Variants in RYR2 observed in about 807,000 individuals in gnomAD.
RYR2 encodes cardiac muscle ryanodine receptor-calcium release channel.
In RYR2, 227 loss-of-function variants were observed where a neutral mutation model predicts 601.1. The observed-to-expected ratio is 0.38, with a 90% CI of 0.34 to 0.42. RYR2 has a LOEUF of 0.42. RYR2 is among the 10% of genes least tolerant of loss of function. The pLI, the probability that RYR2 is intolerant of heterozygous loss-of-function variation, is 1.00. For synonymous variants in RYR2, 2,223 were observed against 2,175.1 expected (o/e 1.02, Z -0.61); for missense variants, 4,646 against 6,156.5 (o/e 0.75, Z 8.21).
intron 1 of RYR2, among the ~76,000 whole-genome samples, chr1:237,083,722 A>G (rs1665999605): frequency 6.6e-6 from 1 of 152,176 alleles, no homozygotes; most frequent in South Asian, 2.1e-4. Flanking sequence ...AATGCTAGAC[A>G]CAGCAGTGGT....
chr1:237,538,071 G>A (rs1668833590), intron 25 of RYR2, among the ~76,000 whole-genome samples: 1 of 151,996 alleles, frequency 6.6e-6, no homozygotes, highest in Non-Finnish European at 1.5e-5. Flanking sequence ...TGGAAAAGAG[G>A]AGATAGGAGG....
chr1:237,783,631 T>TTTTG (rs1176394524), intron 89 of RYR2, 44 bp from the exon 90 acceptor site: 7 of 1,233,282 alleles, frequency 5.7e-6, no homozygotes, highest in East Asian at 2.5e-5. Flanking sequence ...TGATCACTGA[T>TTTTG]TTTGTTAGTT....
At chr1:237,183,133 T>C (rs926373159) in intron 1 of RYR2, among the ~76,000 whole-genome samples, 1 of 152,096 alleles carries the variant, frequency 6.6e-6, no homozygotes, top group African/African-American at 2.4e-5. Context: ...GGCTTGCAGA[T>C]TGGAATAAAG....
intron 29 of RYR2, among the ~76,000 whole-genome samples, chr1:237,578,477 C>T (rs887622158): frequency 6.6e-6 from 1 of 152,162 alleles, no homozygotes; most frequent in Admixed American, 6.5e-5. Context: ...CCTACATAGT[C>T]CTTTGGTGCT....
chr1:237,427,867 A>G (rs1357403255), intron 12 of RYR2, among the ~76,000 whole-genome samples: 1 of 151,166 alleles, frequency 6.6e-6, no homozygotes, highest in Non-Finnish European at 1.5e-5. Flanking sequence ...AAAGCATTGC[A>G]GGAGACAAAA....
chr1:237,516,969 C>A (rs1227693588), intron 24 of RYR2, among the ~76,000 whole-genome samples: 2 of 152,184 alleles, frequency 1.3e-5, no homozygotes, highest in Non-Finnish European at 2.9e-5. Context: ...TTCATACACA[C>A]ACGTGCATTC....
chr1:237,779,520 A>G (rs1433866760), intron 88 of RYR2, among the ~76,000 whole-genome samples: 4 of 152,224 alleles, frequency 2.6e-5, no homozygotes, highest in Non-Finnish European at 4.4e-5. Context: ...GAATGCTGTC[A>G]TTCTAATTCC....
rs369619311 is a variant in RYR2 at position 237,202,698 on chromosome 1, G to A, written c.49-67799G>A. 1.7e-4 allele frequency among the ~76,000 whole-genome samples: 26 copies of A among 152,238 alleles called. No individual in the cohort carries two copies. The East Asian group carries it at 3.3e-3, about 19-fold the overall frequency. ...GCTGGGATTACAGGTGTGAGCCACC[G>A]GGTCCGTCCTTTAACAACACCTTTT... On this transcript the variant is annotated intron_variant, in intron 1 of 104. Transcript: ENST00000366574.
chr1:237,646,233 C>T (rs1682140686), intron 48 of RYR2, among the ~76,000 whole-genome samples: 1 of 151,350 alleles, frequency 6.6e-6, no homozygotes, highest in African/African-American at 2.4e-5. Flanking sequence ...CCCAGCTACT[C>T]AGGAGTCTGA....
chr1:237,244,776 G>A (rs963604799), intron 1 of RYR2, among the ~76,000 whole-genome samples: 8 of 149,888 alleles, frequency 5.3e-5, no homozygotes, highest in Non-Finnish European at 1.0e-4. Context: ...TTTTCTTGGC[G>A]CGAGACAATG....
chr1:237,748,023 A>T (rs943949472), intron 80 of RYR2, among the ~76,000 whole-genome samples: 1 of 152,166 alleles, frequency 6.6e-6, no homozygotes, highest in African/African-American at 2.4e-5. Context: ...ATACAATAAA[A>T]TTATGCATCT....
At chr1:237,603,536 C>G (rs962524570) in intron 35 of RYR2, among the ~76,000 whole-genome samples, 16 of 152,204 alleles carry the variant, frequency 1.1e-4, no homozygotes, top group African/African-American at 3.6e-4. Flanking sequence ...GCAAAATAAC[C>G]AGCTGACATC....
chr1:237,161,939 T>G (rs1424937998), intron 1 of RYR2, among the ~76,000 whole-genome samples: 1 of 152,236 alleles, frequency 6.6e-6, no homozygotes, highest in Non-Finnish European at 1.5e-5. Flanking sequence ...ATTTGTGTAG[T>G]GAACATTTGT....
chr1:237,119,267 A>T (rs1670492763), intron 1 of RYR2, among the ~76,000 whole-genome samples: 3 of 152,340 alleles, frequency 2.0e-5, no homozygotes, highest in African/African-American at 4.8e-5. Flanking sequence ...AAGGGCTTCC[A>T]GAAGAAACCA....
At chr1:237,725,466 A>T (rs1690115698) in intron 74 of RYR2, among the ~76,000 whole-genome samples, 1 of 152,114 alleles carries the variant, frequency 6.6e-6, no homozygotes, top group Non-Finnish European at 1.5e-5. Flanking sequence ...TTGTTGATTT[A>T]ATTTATCTCA....
chr1:237,398,607 G>A (rs771160994), intron 10 of RYR2, among the ~76,000 whole-genome samples: 1 of 152,166 alleles, frequency 6.6e-6, no homozygotes, highest in Non-Finnish European at 1.5e-5. Context: ...TGACAGCCAC[G>A]TGCTGGTGAG....
intron 2 of RYR2, among the ~76,000 whole-genome samples, chr1:237,308,453 A>C (rs12164567): frequency 6.6e-6 from 1 of 151,928 alleles, no homozygotes; most frequent in Non-Finnish European, 1.5e-5. Context: ...TCTTGCATGA[A>C]ATCTAAGAAT....
At chr1:237,608,467 A>C (rs2151183) in intron 35 of RYR2, among the ~76,000 whole-genome samples, 130,887 of 152,052 alleles carry the variant, frequency 0.86, 57,524 homozygotes, top group South Asian at 0.96. Context: ...CTTTGGGAGG[A>C]AGGAGGAATC....
chr1:237,473,431 C>CTTTCTT (rs1466932341), intron 17 of RYR2, among the ~76,000 whole-genome samples: 64 of 115,854 alleles, frequency 5.5e-4, no homozygotes, highest in African/African-American at 1.9e-3. Context: ...CTCTCTCTCT[C>CTTTCTT]TCTTTCTTTC....
Sources: gnomAD v4.1 joint callset for allele counts (sites outside exome capture counted in the v4.1 genomes callset) on GRCh38, gnomAD v4.1.1 for gene constraint, MANE v1.5 for transcripts, NCBI Gene and HGNC (gene_info 2026-07-23, HGNC 2026-07-21) for gene names.